Variants in CPT1A observed in about 807,000 individuals in gnomAD.
CPT1A encodes carnitine O-palmitoyltransferase 1, liver isoform.
A neutral mutation model predicts 100.8 loss-of-function variants in CPT1A; 64 were observed. The observed-to-expected ratio is 0.63, with a 90% CI of 0.52 to 0.78. The LOEUF is 0.78. Ranked by LOEUF, CPT1A falls within the 30% of genes least tolerant of loss-of-function variation. CPT1A has a pLI of 0.00. For missense variants in CPT1A, 802 were observed against 1,034.1 expected, an observed-to-expected ratio of 0.78 and a Z score of 3.08; for synonymous variants, 363 against 396.0, an observed-to-expected ratio of 0.92 and a Z score of 0.99.
At chr11:68,770,114 T>G (rs1055839279) in intron 14 of CPT1A, among the ~76,000 whole-genome samples, 1 of 151,154 alleles carries the variant, frequency 6.6e-6, no homozygotes, top group Non-Finnish European at 1.5e-5. Flanking sequence ...GGTTCTGAAG[T>G]TTTTTTTCAT....
At chr11:68,814,870 A>G (rs1302650131) in intron 2 of CPT1A, among the ~76,000 whole-genome samples, 1 of 151,504 alleles carries the variant, frequency 6.6e-6, no homozygotes, top group Non-Finnish European at 1.5e-5. Flanking sequence ...TATTTTTTGT[A>G]GAGATGGGGT....
chr11:68,764,219 C>T (rs773059992), intron 14 of CPT1A, among the ~76,000 whole-genome samples: 56 of 152,300 alleles, frequency 3.7e-4, no homozygotes, highest in Middle Eastern at 6.8e-3. Flanking sequence ...AGAAGGGGCC[C>T]GGGGCCACCA....
chr11:68,789,461 A>G (rs894876447), intron 9 of CPT1A, among the ~76,000 whole-genome samples: 4 of 151,656 alleles, frequency 2.6e-5, no homozygotes, highest in African/African-American at 9.7e-5. Context: ...CAGTGGTGCG[A>G]TCTCAGCTTA....
At chr11:68,763,828 G>A (rs1185565361) in intron 14 of CPT1A, among the ~76,000 whole-genome samples, 1 of 152,178 alleles carries the variant, frequency 6.6e-6, no homozygotes, top group African/African-American at 2.4e-5. Flanking sequence ...TTCCAGCTAG[G>A]CTGGTGCCTT....
At chr11:68,836,091 C>T (rs1259959111) in intron 1 of CPT1A, among the ~76,000 whole-genome samples, 1 of 152,174 alleles carries the variant, frequency 6.6e-6, no homozygotes, top group African/African-American at 2.4e-5. Context: ...CTTCTGACTT[C>T]GATGTATACC....
intron 6 of CPT1A, 147 bp downstream of exon 6, chr11:68,799,071 C>A: frequency 1.4e-6 from 1 of 727,112 alleles, no homozygotes; most frequent in South Asian, 1.6e-5. Context: ...CTCCACTCTG[C>A]ACAGAGGTAA....
intron 1 of CPT1A, among the ~76,000 whole-genome samples, chr11:68,825,829 G>A (rs1856712203): frequency 6.6e-6 from 1 of 152,146 alleles, no homozygotes; most frequent in Admixed American, 6.5e-5. Context: ...AGCTGGGAGT[G>A]GATGCAGAGT....
At chr11:68,822,517 GGGAGATC>G (rs1856610907) in intron 1 of CPT1A, among the ~76,000 whole-genome samples, 1 of 151,564 alleles carries the variant, frequency 6.6e-6, no homozygotes, top group South Asian at 2.1e-4. Flanking sequence ...TGGGCAACAG[GGGAGATC>G]CTGTCTTAAA....
chr11:68,775,733 C>T (rs550137859), intron 12 of CPT1A, among the ~76,000 whole-genome samples: 68 of 152,308 alleles, frequency 4.5e-4, no homozygotes, highest in Middle Eastern at 3.4e-3. Context: ...TGGGTTGGAA[C>T]CACTGTAGCA....
intron 2 of CPT1A, among the ~76,000 whole-genome samples, chr11:68,814,446 G>A (rs3019585): frequency 0.87 from 131,659 of 151,684 alleles, 59,051 homozygotes; most frequent in Non-Finnish European, 0.98. Flanking sequence ...AGCTGGGACT[G>A]CAGGCGCCCG....
At chr11:68,803,840 T>C (rs1430871486) in intron 5 of CPT1A, among the ~76,000 whole-genome samples, 160 bp downstream of exon 5, 1 of 142,688 alleles carries the variant, frequency 7.0e-6, no homozygotes, top group African/African-American at 3.0e-5. Flanking sequence ...AGTGATGCAT[T>C]GGAGAAAAAA....
chr11:68,815,735 C>A (rs1298380421), intron 1 of CPT1A, among the ~76,000 whole-genome samples: 1 of 152,096 alleles, frequency 6.6e-6, no homozygotes, highest in Non-Finnish European at 1.5e-5. Flanking sequence ...CCCGTGGTAC[C>A]CCAACCCTGG....
chr11:68,804,109 G>A lies in CPT1A; in HGVS notation c.454-8C>T. On this transcript the variant is annotated splice_polypyrimidine_tract_variant and splice_region_variant and intron_variant, in intron 4 of 18. Transcript: ENST00000265641. Reference sequence around the variant, plus strand: ...AAAGATCTTGACCATACCCTGAAGAGAGAGAATTATATTTTCAGACTACTG... The same window carrying A: ...AAAGATCTTGACCATACCCTGAAGAAAGAGAATTATATTTTCAGACTACTG... 6.2e-7 allele frequency: 1 copy of A among 1,603,346 alleles called. No individual in the cohort carries two copies. The highest frequency in any genetic ancestry group is 8.5e-7 in the Non-Finnish European group (1 of 1,170,220).
intron 1 of CPT1A, among the ~76,000 whole-genome samples, chr11:68,837,570 G>A (rs1396377554): frequency 6.6e-6 from 1 of 152,164 alleles, no homozygotes; most frequent in Non-Finnish European, 1.5e-5. Context: ...TGCATTGAGG[G>A]GGGACCCAAA....
At chr11:68,796,311 C>T (rs927640932) in intron 7 of CPT1A, among the ~76,000 whole-genome samples, 5 of 151,996 alleles carry the variant, frequency 3.3e-5, no homozygotes, top group African/African-American at 9.7e-5. Flanking sequence ...AATCCCAGCA[C>T]TTAGGGAGGC....
intron 12 of CPT1A, among the ~76,000 whole-genome samples, chr11:68,779,860 G>A (rs1302487850): frequency 1.3e-5 from 2 of 151,080 alleles, no homozygotes. Flanking sequence ...ACAGGGGTTT[G>A]TGGTTTTCAA....
intron 1 of CPT1A, chr11:68,839,445 A>C (rs1594384648): frequency 1.1e-6 from 1 of 929,982 alleles, no homozygotes; most frequent in Non-Finnish European, 1.3e-6. Flanking sequence ...GGCGCGTCCC[A>C]GGCGCTCGGA....
intron 6 of CPT1A, among the ~76,000 whole-genome samples, chr11:68,797,950 C>A (rs1297343154): frequency 6.6e-6 from 1 of 152,152 alleles, no homozygotes; most frequent in Admixed American, 6.5e-5. Context: ...TGCACTCCAG[C>A]CTGGGTGACG....
At chr11:68,807,108 G>A (rs1180493089) in intron 4 of CPT1A, among the ~76,000 whole-genome samples, 1 of 152,142 alleles carries the variant, frequency 6.6e-6, no homozygotes, top group African/African-American at 2.4e-5. Context: ...AGTCACGGGA[G>A]CCTGTCTGAG....
Sources: gnomAD v4.1 joint callset for allele counts (sites outside exome capture counted in the v4.1 genomes callset) on GRCh38, gnomAD v4.1.1 for gene constraint, MANE v1.5 for transcripts, NCBI Gene and HGNC (gene_info 2026-07-23, HGNC 2026-07-21) for gene names.